Variants in SLC6A20 observed in about 807,000 individuals in gnomAD.
The protein encoded by SLC6A20 is sodium- and chloride-dependent transporter XTRP3.
SLC6A20 carries 73 observed loss-of-function variants against 64.3 expected under a neutral mutation model. The ratio of observed to expected loss-of-function variants is 1.14; its 90% CI spans 0.94 to 1.38. The LOEUF (loss-of-function observed/expected upper bound fraction) is 1.38. Ranked by LOEUF, SLC6A20 falls within the 40% of genes most tolerant of loss-of-function variation. SLC6A20 has a pLI of 0.00. For synonymous variants in SLC6A20, 347 were observed against 329.6 expected (o/e 1.05, Z -0.57); for missense variants, 725 against 772.8 (o/e 0.94, Z 0.73).
intron 1 of SLC6A20, among the ~76,000 whole-genome samples, chr3:45,786,285 C>T (rs1700168281): frequency 1.3e-5 from 2 of 152,226 alleles, no homozygotes; most frequent in Non-Finnish European, 2.9e-5. Flanking sequence ...GACTGTCCCA[C>T]TGATGTCCTC....
rs978930032 is a variant in SLC6A20, at chr3:45,758,015, A to G, written c.*963T>C. Reference sequence around the variant, plus strand: ...ACAGCAACCGCCACCTCCTAGGTTCAAATGATTCTTGTGCCTCAGCAGCCA... The same window carrying G: ...ACAGCAACCGCCACCTCCTAGGTTCGAATGATTCTTGTGCCTCAGCAGCCA... On this transcript the variant is annotated 3_prime_UTR_variant, in exon 11 of 11. Coordinates refer to ENST00000358525, the MANE Select transcript of SLC6A20 (RefSeq NM_020208.4). The G allele has an allele frequency of 8.5e-5, 13 of 152,414 alleles. No individual in the cohort carries two copies. The highest frequency in any genetic ancestry group is 3.2e-4 in the African/African-American group (13 of 41,102). 9.4% of individuals were successfully genotyped at this position (152,414 alleles called of 1,614,324 possible). A position where few individuals can be genotyped will look rare whatever the true frequency, so the allele number is the denominator to read the frequency against.
At chr3:45,771,152 C>T (rs926426575) in intron 6 of SLC6A20, 65 bp downstream of exon 6, 13 of 1,604,452 alleles carry the variant, frequency 8.1e-6, no homozygotes, top group Non-Finnish European at 1.1e-5. Context: ...CCAGCCCTTG[C>T]CCAGGCGACC....
chr3:45,777,886 GGCT>G (rs1275270966), intron 3 of SLC6A20, among the ~76,000 whole-genome samples: 2 of 152,188 alleles, frequency 1.3e-5, no homozygotes, highest in Non-Finnish European at 2.9e-5. Flanking sequence ...GTGATGCCCA[GGCT>G]GCACCCCCAG....
intron 1 of SLC6A20, among the ~76,000 whole-genome samples, chr3:45,783,022 T>G (rs1052737175): frequency 1.3e-5 from 2 of 152,256 alleles, no homozygotes; most frequent in African/African-American, 2.4e-5. Flanking sequence ...TCCACCTCTA[T>G]GCACTTCCTT....
At chr3:45,771,634 G>A (rs1361585645) in intron 5 of SLC6A20, 176 bp from the exon 6 acceptor site, 2 of 947,382 alleles carry the variant, frequency 2.1e-6, no homozygotes, top group African/African-American at 3.3e-5. Flanking sequence ...CCTGGCAGAT[G>A]AAACACACAC....
At chr3:45,777,493 G>A (rs573321933) in intron 3 of SLC6A20, among the ~76,000 whole-genome samples, 4 of 152,294 alleles carry the variant, frequency 2.6e-5, no homozygotes, top group African/African-American at 4.8e-5. Context: ...GCTGTCCTCC[G>A]ATGCAAGCTG....
At chr3:45,783,375 A>T (rs1246048086) in intron 1 of SLC6A20, among the ~76,000 whole-genome samples, 1 of 152,254 alleles carries the variant, frequency 6.6e-6, no homozygotes, top group Non-Finnish European at 1.5e-5. Context: ...TTACATGAAC[A>T]TCTAATATTT....
intron 3 of SLC6A20, among the ~76,000 whole-genome samples, chr3:45,776,537 A>G (rs1306981754): frequency 6.6e-6 from 1 of 152,178 alleles, no homozygotes; most frequent in East Asian, 1.9e-4. Context: ...TAACTGCTTC[A>G]GGTATAGCTT....
intron 1 of SLC6A20, among the ~76,000 whole-genome samples, chr3:45,788,643 A>G (rs1700205098): frequency 6.6e-6 from 1 of 152,226 alleles, no homozygotes; most frequent in Admixed American, 6.5e-5. Flanking sequence ...ATAACTAATA[A>G]AAAATAAAAT....
Position 45,782,196 on chromosome 3 carries a change from A to G in SLC6A20, c.149T>C (p.Met50Thr). The stretch of plus-strand genomic sequence containing the variant: ...GAGCGGCATTCCCTCCACGATAAGC[A>G]TGATGATGTAGGGGACCAGGAAACT... ...GGSFLVPYII[M>T]LIVEGMPLLY... Residue 50 changes from methionine to threonine, a missense_variant, in exon 2 of 11, where the codon ATG (methionine) becomes ACG (threonine). Transcript: ENST00000358525. 6.2e-7 allele frequency: 1 copy of G among 1,613,802 alleles called. No individual in the cohort carries two copies. Among genetic ancestry groups the G allele is most frequent in the Non-Finnish European group, 8.5e-7 (1 of 1,179,820 alleles).
At chr3:45,759,265 G>A (rs2125715618) in intron 10 of SLC6A20, 138 bp from the exon 11 acceptor site, 8 of 859,974 alleles carry the variant, frequency 9.3e-6, no homozygotes, top group Middle Eastern at 3.7e-4. Context: ...CTGGGGCCAC[G>A]GGCTCTGCAA....
chr3:45,770,169 T>G (rs1699835729), intron 7 of SLC6A20, 40 bp downstream of exon 7: 1 of 1,612,380 alleles, frequency 6.2e-7, no homozygotes, highest in Non-Finnish European at 8.5e-7. Flanking sequence ...CATGAGTGTG[T>G]GGAGAGAAGC....
rs1489166862 is a variant in SLC6A20, at chr3:45,758,672, C to A, written c.*306G>T. On this transcript the variant is annotated 3_prime_UTR_variant, in exon 11 of 11. Coordinates refer to ENST00000358525, the MANE Select transcript of SLC6A20 (RefSeq NM_020208.4). The stretch of plus-strand genomic sequence containing the variant: ...TCCCATAAGAATTATAGTCATATTT[C>A]AGTTTGCAATGTGCCCTAATTCTAG... 1 of 1,177,324 alleles carries A rather than the reference C, an allele frequency of 8.5e-7. No homozygotes were observed. The allele number at this position is 1,177,324 out of a possible 1,614,324, so 72.9% of individuals were successfully genotyped here. A position where few individuals can be genotyped will look rare whatever the true frequency, so the allele number is the denominator to read the frequency against.
intron 3 of SLC6A20, 27 bp from the exon 4 acceptor site, chr3:45,776,015 A>G: frequency 6.2e-7 from 1 of 1,608,192 alleles, no homozygotes; most frequent in South Asian, 1.1e-5. Flanking sequence ...AGTGTTATCC[A>G]GGGAGGTGAA....
chr3:45,780,227 GGTTTGT>G, intron 2 of SLC6A20, 127 bp from the exon 3 acceptor site: 1 of 743,532 alleles, frequency 1.3e-6, no homozygotes, highest in Non-Finnish European at 2.2e-6. Flanking sequence ...CCCTCCACCA[GGTTTGT>G]GTGGTGAGTA....
rs761365466 is a variant in SLC6A20 at position 45,770,287 on chromosome 3, G to A, written c.1020C>T (p.Leu340=). Residue 340 remains leucine, a synonymous_variant, in exon 7 of 11, where the codon CTC becomes CTT. Transcript: ENST00000358525. The part of the protein sequence containing the change: ...ASNLEQVKGY[L]ASAYPSKYSE... ...TGTATTTGCTTGGGTAGGCAGATGC[G>A]AGGTAGCCCTTCACCTGCTCCAGGT... 7 of 1,614,174 alleles carry A rather than the reference G, an allele frequency of 4.3e-6. No individual in the cohort carries two copies. Among genetic ancestry groups the A allele is most frequent in the East Asian group, 4.5e-5 (2 of 44,888 alleles).
intron 1 of SLC6A20, among the ~76,000 whole-genome samples, chr3:45,783,127 T>C (rs960988678): frequency 2.0e-5 from 3 of 152,170 alleles, no homozygotes; most frequent in Admixed American, 6.5e-5. Context: ...CCCTGGCTGG[T>C]GTGGAATGGG....
chr3:45,781,963 A>G (rs1467606226), intron 2 of SLC6A20, 120 bp downstream of exon 2: 1 of 1,324,182 alleles, frequency 7.6e-7, no homozygotes, highest in Non-Finnish European at 9.9e-7. Flanking sequence ...CCCAGGCAAG[A>G]GCTCTCTCTT....
intron 1 of SLC6A20, among the ~76,000 whole-genome samples, chr3:45,793,511 G>A (rs901446623): frequency 2.6e-5 from 4 of 151,842 alleles, no homozygotes; most frequent in Admixed American, 2.6e-4. Flanking sequence ...TCTAGAGCAG[G>A]CAGCCAGGGC....
Sources: gnomAD v4.1 joint callset for allele counts (sites outside exome capture counted in the v4.1 genomes callset) on GRCh38, gnomAD v4.1.1 for gene constraint, MANE v1.5 for transcripts, NCBI Gene and HGNC (gene_info 2026-07-23, HGNC 2026-07-21) for gene names.